Variants in DPYD observed in about 807,000 individuals in gnomAD.
DPYD encodes dihydropyrimidine dehydrogenase.
DPYD carries 109 observed loss-of-function variants against 116.2 expected under a neutral mutation model. The observed-to-expected ratio is 0.94, with a 90% CI of 0.80 to 1.10. DPYD has a LOEUF of 1.10. DPYD is among the 50% of genes least tolerant of loss of function. DPYD has a pLI of 0.00. For missense variants in DPYD, 1,302 were observed against 1,254.5 expected, an observed-to-expected ratio of 1.04 and a Z score of -0.57; for synonymous variants, 440 against 432.0, an observed-to-expected ratio of 1.02 and a Z score of -0.23.
At chr1:97,193,372 T>C in intron 19 of DPYD, 124 bp from the exon 20 acceptor site, 1 of 969,430 alleles carries the variant, frequency 1.0e-6, no homozygotes, top group South Asian at 1.4e-5. Context: ...GCATGATGGA[T>C]CAGTAGCCGT....
At chr1:97,814,475 G>A (rs1244000003) in intron 3 of DPYD, among the ~76,000 whole-genome samples, 1 of 151,970 alleles carries the variant, frequency 6.6e-6, no homozygotes, top group Non-Finnish European at 1.5e-5. Flanking sequence ...AGGTAAGGAG[G>A]GTAGCAGGGG....
intron 18 of DPYD, among the ~76,000 whole-genome samples, chr1:97,294,871 A>G (rs951765197): frequency 1.3e-5 from 2 of 152,214 alleles, no homozygotes; most frequent in African/African-American, 4.8e-5. Flanking sequence ...AGACTGAGTG[A>G]AACAGGTAAT....
intron 7 of DPYD, 26 bp from the exon 8 acceptor site, chr1:97,679,208 G>A: frequency 7.6e-7 from 1 of 1,315,516 alleles, no homozygotes; most frequent in Non-Finnish European, 1.1e-6. Context: ...TTTTGCATAA[G>A]AAAATTTGGC....
chr1:97,496,732 G>C (rs1008951839), intron 13 of DPYD, among the ~76,000 whole-genome samples: 1 of 151,782 alleles, frequency 6.6e-6, no homozygotes. Flanking sequence ...AGCTTGGTTT[G>C]GTGCTTCCTC....
intron 2 of DPYD, among the ~76,000 whole-genome samples, chr1:97,882,039 T>TA (rs1008411472): frequency 6.6e-6 from 1 of 151,552 alleles, no homozygotes; most frequent in African/African-American, 2.4e-5. Flanking sequence ...AAAACTATAA[T>TA]AAAAAAATTA....
chr1:97,745,746 C>T (rs947930562), intron 3 of DPYD, among the ~76,000 whole-genome samples: 2 of 151,926 alleles, frequency 1.3e-5, no homozygotes, highest in Non-Finnish European at 2.9e-5. Flanking sequence ...AGTCATCTCC[C>T]GTAAGCATAA....
At chr1:97,444,006 G>A (rs1675942664) in intron 14 of DPYD, among the ~76,000 whole-genome samples, 2 of 152,124 alleles carry the variant, frequency 1.3e-5, no homozygotes, top group African/African-American at 4.8e-5. Flanking sequence ...TTTCAGATGA[G>A]GCCAGGTAAC....
intron 1 of DPYD, among the ~76,000 whole-genome samples, chr1:97,893,429 CATATATATATAT>C (rs59336649): frequency 1.8e-4 from 13 of 71,906 alleles, no homozygotes; most frequent in Admixed American, 2.9e-4. Flanking sequence ...ATATCCATCG[CATATATATATAT>C]ATATATATAT....
chr1:97,472,564 G>A (rs1049179689), intron 13 of DPYD, among the ~76,000 whole-genome samples: 5 of 152,274 alleles, frequency 3.3e-5, no homozygotes, highest in Admixed American at 3.3e-4. Context: ...ATACATATTA[G>A]CCAGGGCACT....
intron 21 of DPYD, among the ~76,000 whole-genome samples, chr1:97,086,486 T>A (rs1649530643): frequency 6.6e-6 from 1 of 152,168 alleles, no homozygotes; most frequent in Admixed American, 6.5e-5. Context: ...CTAATATTAA[T>A]TTATTAGTTT....
intron 3 of DPYD, among the ~76,000 whole-genome samples, chr1:97,781,568 A>C (rs1241966562): frequency 6.6e-6 from 1 of 152,198 alleles, no homozygotes; most frequent in Admixed American, 6.5e-5. Flanking sequence ...CAAGTTCTGA[A>C]ACAAAATGAT....
At chr1:97,152,276 G>A (rs868632512) in intron 20 of DPYD, among the ~76,000 whole-genome samples, 1 of 152,104 alleles carries the variant, frequency 6.6e-6, no homozygotes, top group Non-Finnish European at 1.5e-5. Flanking sequence ...ATATCTAAAC[G>A]AGATTTAAGA....
chr1:97,507,445 T>C (rs967597432), intron 13 of DPYD, among the ~76,000 whole-genome samples: 2 of 152,024 alleles, frequency 1.3e-5, no homozygotes, highest in South Asian at 2.1e-4. Context: ...CTATTGTTAA[T>C]TTATTGTTTC....
chr1:97,559,028 G>A (rs1651942031), intron 11 of DPYD, among the ~76,000 whole-genome samples: 1 of 152,118 alleles, frequency 6.6e-6, no homozygotes, highest in Admixed American at 6.6e-5. Context: ...ACTGCAAACT[G>A]CTTGAAGGAA....
chr1:97,116,247 C>T (rs1651951614), intron 20 of DPYD, among the ~76,000 whole-genome samples: 1 of 152,100 alleles, frequency 6.6e-6, no homozygotes. Flanking sequence ...GTATTGATCC[C>T]TCTAGCTGGC....
intron 4 of DPYD, 115 bp from the exon 5 acceptor site, chr1:97,721,786 A>G: frequency 1.0e-6 from 1 of 975,632 alleles, no homozygotes; most frequent in South Asian, 1.5e-5. Flanking sequence ...AATGATGTGT[A>G]TAAGATGCAT....
In DPYD at chr1:97,573,550, T is replaced by C. The variant is rs1285671431; in HGVS notation, c.1339+210A>G. 2.0e-5 allele frequency among the ~76,000 whole-genome samples: 3 copies of C among 152,176 alleles called. No homozygotes were observed. The East Asian group carries it at 5.8e-4, about 29-fold the overall frequency. On this transcript the variant is annotated intron_variant, in intron 11 of 22. Transcript: ENST00000370192. Reference sequence around the variant, plus strand: ...GTTATAAGCTTAAAAGAAAGATTAATGTTCTTTTCAATACTTGCCACTTTA... The same window carrying C: ...GTTATAAGCTTAAAAGAAAGATTAACGTTCTTTTCAATACTTGCCACTTTA...
intron 11 of DPYD, among the ~76,000 whole-genome samples, chr1:97,561,462 CT>C (rs1231520987): frequency 2.0e-5 from 3 of 152,092 alleles, no homozygotes; most frequent in Non-Finnish European, 4.4e-5. Context: ...TGTGCTGGAT[CT>C]TTGGGTTAAA....
chr1:97,455,265 G>A (rs551491401), intron 13 of DPYD, among the ~76,000 whole-genome samples: 1 of 151,998 alleles, frequency 6.6e-6, no homozygotes, highest in African/African-American at 2.4e-5. Context: ...GAGTTATGCA[G>A]TAGTATAGTG....
Sources: allele counts gnomAD v4.1 joint callset (sites outside exome capture counted in the v4.1 genomes callset), GRCh38; gene constraint gnomAD v4.1.1; transcripts MANE v1.5; gene names NCBI Gene and HGNC (gene_info 2026-07-23, HGNC 2026-07-21).